Variants in GPC3 observed in about 807,000 individuals in gnomAD.
The protein encoded by GPC3 is glypican 3.
Under a neutral mutation model 34.4 loss-of-function variants are expected in GPC3, and 3 were observed. That is an observed-to-expected ratio of 0.09 (90% CI 0.04 to 0.23). The LOEUF (loss-of-function observed/expected upper bound fraction) is 0.23, where lower values mean the gene tolerates loss of function less well. Among genes scored for constraint, GPC3 ranks in the 10% least tolerant of loss-of-function variants. GPC3 has a pLI of 1.00. For synonymous variants in GPC3, 177 were observed against 174.0 expected (o/e 1.02, Z -0.13); for missense variants, 351 against 445.6 (o/e 0.79, Z 1.91).
chrX:133,893,779 C>G (rs1353740510), intron 2 of GPC3, among the ~76,000 whole-genome samples: 1 of 111,983 alleles, frequency 8.9e-6, no homozygotes, highest in African/African-American at 3.2e-5. Flanking sequence ...CTCACCCTCC[C>G]TTCTTTAGGA....
At chrX:133,846,128 C>G (rs1445970083) in intron 2 of GPC3, among the ~76,000 whole-genome samples, 1 of 112,196 alleles carries the variant, frequency 8.9e-6, no homozygotes, top group Admixed American at 9.4e-5. Flanking sequence ...ATGCAAATAA[C>G]TGTTTGAAAT....
At chrX:133,678,268 C>T (rs188280131) in intron 5 of GPC3, among the ~76,000 whole-genome samples, 98 of 112,015 alleles carry the variant, frequency 8.7e-4, no homozygotes, top group Admixed American at 2.8e-3. Flanking sequence ...ACTTTACTGT[C>T]TCAGTCCTGC....
chrX:133,722,210 C>T (rs1002602404), intron 3 of GPC3, among the ~76,000 whole-genome samples: 3 of 111,550 alleles, frequency 2.7e-5, no homozygotes, highest in Non-Finnish European at 1.9e-5. Flanking sequence ...TACTATTCAC[C>T]TGTCTGTTCC....
chrX:133,735,159 C>A (rs1053333526), intron 3 of GPC3, among the ~76,000 whole-genome samples: 1 of 111,431 alleles, frequency 9.0e-6, no homozygotes, highest in African/African-American at 3.3e-5. Context: ...ATAGCCAAAA[C>A]AATCTTGAAA....
chrX:133,841,853 G>A (rs889056944), intron 2 of GPC3, among the ~76,000 whole-genome samples: 1 of 112,030 alleles, frequency 8.9e-6, no homozygotes, highest in African/African-American at 3.2e-5. Context: ...AATGTGAAAA[G>A]AGAGATGGGC....
intron 1 of GPC3, among the ~76,000 whole-genome samples, chrX:133,963,137 G>A (rs1278075909): frequency 1.8e-5 from 2 of 112,278 alleles, no homozygotes; most frequent in Admixed American, 1.9e-4. Context: ...ACATGAATAC[G>A]GATATGGGGC....
intron 2 of GPC3, among the ~76,000 whole-genome samples, chrX:133,842,273 G>T (rs748462660): frequency 9.2e-6 from 1 of 108,509 alleles, no homozygotes; most frequent in Non-Finnish European, 1.9e-5. Flanking sequence ...AGCCGAGATT[G>T]TGCCATTGCA....
intron 6 of GPC3, among the ~76,000 whole-genome samples, chrX:133,660,243 A>T (rs1187293448): frequency 8.9e-6 from 1 of 112,268 alleles, no homozygotes; most frequent in African/African-American, 3.2e-5. Context: ...CACTGCTAAA[A>T]TCCATATTTT....
intron 7 of GPC3, among the ~76,000 whole-genome samples, chrX:133,549,724 CCT>C (rs1198849125): frequency 3.2e-5 from 3 of 92,488 alleles, no homozygotes; most frequent in Non-Finnish European, 6.5e-5. Flanking sequence ...TCTCTCCTTC[CCT>C]CTCTCTCTCT....
chrX:133,765,998 G>T (rs139196977), intron 2 of GPC3, among the ~76,000 whole-genome samples: 213 of 111,853 alleles, frequency 1.9e-3, no homozygotes, highest in Non-Finnish European at 2.9e-3. Context: ...CAGATAGAGA[G>T]CCATAAGACT....
intron 3 of GPC3, among the ~76,000 whole-genome samples, chrX:133,726,327 A>G (rs1458366152): frequency 9.0e-6 from 1 of 111,676 alleles, no homozygotes; most frequent in Non-Finnish European, 1.9e-5. Context: ...ATTGTCTCAA[A>G]TATCAACTGT....
chrX:133,809,684 G>T (rs761983071), intron 2 of GPC3, among the ~76,000 whole-genome samples: 7 of 111,947 alleles, frequency 6.3e-5, no homozygotes, highest in East Asian at 5.6e-4. Context: ...GTCAACAAAT[G>T]ATTATTGAGC....
chrX:133,638,823 A>AAAAAAAAAAAAG (rs2070454124), intron 6 of GPC3, among the ~76,000 whole-genome samples: 1 of 101,417 alleles, frequency 9.9e-6, no homozygotes, highest in African/African-American at 3.8e-5. Flanking sequence ...TGATGAGCTA[A>AAAAAAAAAAAAG]AAAAAAAAAA....
chrX:133,678,511 T>C (rs1184606080), intron 5 of GPC3, among the ~76,000 whole-genome samples: 2 of 111,750 alleles, frequency 1.8e-5, no homozygotes, highest in East Asian at 5.7e-4. Context: ...TACCAATAGG[T>C]AACCAACCAC....
At chrX:133,655,481 CACA>C (rs1569406899) in intron 6 of GPC3, among the ~76,000 whole-genome samples, 5 of 101,091 alleles carry the variant, frequency 4.9e-5, no homozygotes, top group African/African-American at 2.1e-4. Flanking sequence ...CACACCCACA[CACA>C]CACACACACA....
At chrX:133,634,851 G>A (rs2070402952) in intron 6 of GPC3, among the ~76,000 whole-genome samples, 1 of 111,973 alleles carries the variant, frequency 8.9e-6, no homozygotes, top group Non-Finnish European at 1.9e-5. Context: ...CCTCAATAAA[G>A]TAACCAAAAA....
chrX:133,845,070 G>A (rs1395252749), intron 2 of GPC3, among the ~76,000 whole-genome samples: 1 of 111,716 alleles, frequency 9.0e-6, no homozygotes, highest in Non-Finnish European at 1.9e-5. Flanking sequence ...CTTGGTGGGA[G>A]TAGGAAGCTA....
intron 2 of GPC3, among the ~76,000 whole-genome samples, chrX:133,919,207 C>T (rs1175047878): frequency 9.0e-6 from 1 of 111,522 alleles, no homozygotes; most frequent in Non-Finnish European, 1.9e-5. Flanking sequence ...GTGAGGAGTA[C>T]AGTGCTAGGC....
At chrX:133,722,801 G>T (rs1003043434) in intron 3 of GPC3, among the ~76,000 whole-genome samples, 3 of 111,380 alleles carry the variant, frequency 2.7e-5, no homozygotes, top group Non-Finnish European at 5.7e-5. Flanking sequence ...AATCAGAATG[G>T]CTGAGAAACA....
Sources: allele counts gnomAD v4.1 joint callset (sites outside exome capture counted in the v4.1 genomes callset), GRCh38; gene constraint gnomAD v4.1.1; transcripts MANE v1.5; gene names NCBI Gene and HGNC (gene_info 2026-07-23, HGNC 2026-07-21).